Variants in RBBP8 observed in about 807,000 individuals in gnomAD.
RBBP8 encodes RB binding protein 8, endonuclease, also known as DNA endonuclease RBBP8.
A neutral mutation model predicts 108.3 loss-of-function variants in RBBP8; 88 were observed. The ratio of observed to expected loss-of-function variants is 0.81; its 90% CI spans 0.68 to 0.97. The LOEUF (loss-of-function observed/expected upper bound fraction) is 0.97, where lower values mean the gene tolerates loss of function less well. RBBP8 is among the 50% of genes least tolerant of loss of function. The pLI is 0.00. For synonymous variants in RBBP8, 332 were observed against 348.2 expected, an observed-to-expected ratio of 0.95 and a Z score of 0.52; for missense variants, 1,023 against 1,049.0, an observed-to-expected ratio of 0.98 and a Z score of 0.34.
chr18:22,933,196 G>C (rs957697827), upstream of RBBP8: 1 of 152,264 alleles, frequency 6.6e-6, no homozygotes, highest in Non-Finnish European at 1.5e-5. Flanking sequence ...GCAGCTCCGA[G>C]GTAGCGCTCC....
chr18:22,964,106 T>C (rs1913352846), intron 4 of RBBP8, among the ~76,000 whole-genome samples: 1 of 152,160 alleles, frequency 6.6e-6, no homozygotes, highest in African/African-American at 2.4e-5. Context: ...TTTTCTTTTT[T>C]CCCCCACAAT....
chr18:23,005,924 C>A (rs1004180097), intron 15 of RBBP8, among the ~76,000 whole-genome samples: 4 of 152,000 alleles, frequency 2.6e-5, no homozygotes, highest in Non-Finnish European at 5.9e-5. Context: ...CAGTGGCTCA[C>A]GCCTGTAATC....
At chr18:22,976,572 G>T (rs1231253884) in intron 6 of RBBP8, among the ~76,000 whole-genome samples, 1 of 152,092 alleles carries the variant, frequency 6.6e-6, no homozygotes, top group Non-Finnish European at 1.5e-5. Context: ...TGATGCTTCA[G>T]ACTCCACTGG....
chr18:22,974,553 C>T (rs1426956886), intron 5 of RBBP8, among the ~76,000 whole-genome samples: 1 of 152,132 alleles, frequency 6.6e-6, no homozygotes. Flanking sequence ...CCTCAGCGTC[C>T]TAGGTTCAAA....
chr18:22,942,063 A>AT (rs1415957310), intron 2 of RBBP8, among the ~76,000 whole-genome samples: 2 of 152,076 alleles, frequency 1.3e-5, no homozygotes, highest in African/African-American at 4.8e-5. Flanking sequence ...AGGGAACTTA[A>AT]TTTTTTTAAG....
intron 4 of RBBP8, among the ~76,000 whole-genome samples, chr18:22,964,373 G>GTTTTTTTTTTTTTTTTTT (rs71161350): frequency 3.6e-5 from 5 of 139,502 alleles, no homozygotes; most frequent in Non-Finnish European, 6.2e-5. Context: ...GGAGACTTAG[G>GTTTTTTTTTTTTTTTTTT]TTTTTTTTTT....
intron 5 of RBBP8, 148 bp from the exon 6 acceptor site, chr18:22,975,005 G>C: frequency 9.9e-7 from 1 of 1,007,954 alleles, no homozygotes; most frequent in Non-Finnish European, 1.4e-6. Flanking sequence ...TTAGTTTTGC[G>C]CACACTAGTG....
At chr18:22,979,758 T>C (rs1914768097) in intron 6 of RBBP8, among the ~76,000 whole-genome samples, 1 of 152,122 alleles carries the variant, frequency 6.6e-6, no homozygotes, top group African/African-American at 2.4e-5. Context: ...CTGAATTGAG[T>C]TGGGCAAGAA....
chr18:22,941,061 TG>T (rs1261006331), intron 2 of RBBP8, among the ~76,000 whole-genome samples: 2 of 152,126 alleles, frequency 1.3e-5, no homozygotes, highest in Non-Finnish European at 2.9e-5. Flanking sequence ...TAAATAGAAT[TG>T]TTTTTTTAAT....
chr18:23,021,047 A>T (rs1267881924), intron 17 of RBBP8, among the ~76,000 whole-genome samples: 1 of 152,212 alleles, frequency 6.6e-6, no homozygotes, highest in Non-Finnish European at 1.5e-5. Context: ...TGTCACTTTC[A>T]ATAGGTGATA....
intron 17 of RBBP8, among the ~76,000 whole-genome samples, chr18:23,020,482 A>G (rs906765920): frequency 1.3e-5 from 2 of 152,176 alleles, no homozygotes; most frequent in Non-Finnish European, 2.9e-5. Context: ...GGTTCACAGC[A>G]AAGTTGTACA....
chr18:22,950,326 T>C (rs1911925478), intron 4 of RBBP8, among the ~76,000 whole-genome samples: 1 of 152,180 alleles, frequency 6.6e-6, no homozygotes, highest in African/African-American at 2.4e-5. Flanking sequence ...GGCTCACACC[T>C]GTAATCTCAA....
intron 1 of RBBP8, among the ~76,000 whole-genome samples, chr18:22,935,614 C>T (rs1453983761): frequency 6.6e-6 from 1 of 152,124 alleles, no homozygotes; most frequent in African/African-American, 2.4e-5. Flanking sequence ...TTGTCAGAGA[C>T]CTCAGGAAAT....
intron 14 of RBBP8, among the ~76,000 whole-genome samples, chr18:23,001,075 G>A (rs543791712): frequency 4.3e-4 from 65 of 152,282 alleles, no homozygotes; most frequent in African/African-American, 1.5e-3. Context: ...AGCTAGGCCT[G>A]CAGCCCTCAT....
chr18:23,014,778 T>C (rs1017777777), intron 16 of RBBP8, among the ~76,000 whole-genome samples: 3 of 152,248 alleles, frequency 2.0e-5, no homozygotes, highest in African/African-American at 7.2e-5. Flanking sequence ...TAGGATCTTA[T>C]TCATTTAAAA....
chr18:22,992,969 A>T lies in RBBP8; in HGVS notation c.1142A>T (p.Asp381Val). ...GAAAAAACTAGATCAAAATCTGAAG[A>T]TAGTGCCCTTTTCACACATCACAGT... is the stretch of plus-strand genomic sequence containing the variant. ...RLEKTRSKSE[D>V]SALFTHHSLG... Residue 381 changes from aspartate (D) to valine (V), a missense_variant, in exon 11 of 19, where the codon GAT (aspartate) becomes GTT (valine). Physicochemically the swap from Asp to Val is radical, Grantham distance 152. Transcript: ENST00000327155. 1 of 1,613,700 alleles carries T rather than the reference A, an allele frequency of 6.2e-7. No individual in the cohort carries two copies. Among genetic ancestry groups the T allele is most frequent in the Non-Finnish European group, 8.5e-7 (1 of 1,179,568 alleles).
rs569650491 is a variant in RBBP8, at chr18:22,976,786, A to C, written c.428+1567A>C. Among the ~76,000 whole-genome samples, 5 of 152,234 alleles carry C rather than the reference A, an allele frequency of 3.3e-5. No individual in the cohort carries two copies. The South Asian group carries it at 1.0e-3, about 32-fold the overall frequency. ...CAGCCTTGATCTTTATGAGTACCAA[A>C]GGGATGAGATACCAAGTGTGTAGAA... On this transcript the variant is annotated intron_variant, in intron 6 of 18. Transcript: ENST00000327155.
At chr18:22,961,363 C>CT (rs1158778278) in intron 4 of RBBP8, among the ~76,000 whole-genome samples, 1 of 152,174 alleles carries the variant, frequency 6.6e-6, no homozygotes, top group Non-Finnish European at 1.5e-5. Flanking sequence ...GATGATGAAA[C>CT]TTATTGCAAG....
upstream of RBBP8, among the ~76,000 whole-genome samples, chr18:22,928,591 T>A (rs1255756232): frequency 6.6e-6 from 1 of 151,908 alleles, no homozygotes; most frequent in Non-Finnish European, 1.5e-5. Context: ...GAGCAAGGGG[T>A]ACAGCAGAGA....
Sources: gnomAD v4.1 joint callset for allele counts (sites outside exome capture counted in the v4.1 genomes callset) on GRCh38, gnomAD v4.1.1 for gene constraint, MANE v1.5 for transcripts, NCBI Gene and HGNC (gene_info 2026-07-23, HGNC 2026-07-21) for gene names.